OSBPL1A: variants seen among roughly 807,000 people sequenced by gnomAD.
OSBPL1A encodes oxysterol binding protein like 1A.
A neutral mutation model predicts 137.1 loss-of-function variants in OSBPL1A; 80 were observed. The ratio of observed to expected loss-of-function variants is 0.58; its 90% CI spans 0.49 to 0.70. OSBPL1A has a LOEUF of 0.70. OSBPL1A is among the 30% of genes least tolerant of loss of function. OSBPL1A has a pLI of 0.00. For synonymous variants in OSBPL1A, 365 were observed against 389.7 expected (o/e 0.94, Z 0.75); for missense variants, 970 against 1,129.4 (o/e 0.86, Z 2.02).
intron 2 of OSBPL1A, 22 bp from the exon 3 acceptor site, chr18:24,368,394 G>A (rs756914204): frequency 1.3e-6 from 2 of 1,527,690 alleles, no homozygotes; most frequent in Non-Finnish European, 9.1e-7. Context: ...AAAATATAAG[G>A]TATTTTTAGG....
intron 17 of OSBPL1A, among the ~76,000 whole-genome samples, chr18:24,212,866 A>G (rs113990122): frequency 1.2e-4 from 19 of 152,352 alleles, no homozygotes; most frequent in African/African-American, 4.3e-4. Flanking sequence ...TAAATTCCTG[A>G]AATTTGCCCA....
rs201880387 is a variant in OSBPL1A, at chr18:24,256,964, CAAA to C, written c.1282-17585_1282-17583del. On this transcript the variant is annotated intron_variant, in intron 15 of 27. Transcript: ENST00000319481. ...GCTGATGAAAGAACTGAAGAGGATG[CAAA>C]AAAAAAAAAAAAAAAAAAAAAAAAG... Among the ~76,000 whole-genome samples, 8 of 29,510 alleles carry C rather than the reference CAAA, an allele frequency of 2.7e-4. No homozygotes were observed. In the Admixed American group the frequency reaches 3.4e-3, roughly 12 times the overall value. The allele number at this position is 29,510 out of a possible 152,430, so 19.4% of individuals were successfully genotyped here. A position where few individuals can be genotyped will look rare whatever the true frequency, so the allele number is the denominator to read the frequency against.
At chr18:24,224,741 C>T (rs947110786) in intron 17 of OSBPL1A, among the ~76,000 whole-genome samples, 8 of 152,156 alleles carry the variant, frequency 5.3e-5, no homozygotes, top group Non-Finnish European at 1.2e-4. Context: ...TGAGAAAGGG[C>T]ACATAGGATC....
At chr18:24,303,094 A>G (rs1170574245) in intron 14 of OSBPL1A, among the ~76,000 whole-genome samples, 1 of 151,868 alleles carries the variant, frequency 6.6e-6, no homozygotes, top group Non-Finnish European at 1.5e-5. Flanking sequence ...TCTGTCTCCT[A>G]GGTTCAAGCG....
chr18:24,319,114 A>G (rs1321906886), intron 7 of OSBPL1A, among the ~76,000 whole-genome samples: 1 of 152,218 alleles, frequency 6.6e-6, no homozygotes, highest in Non-Finnish European at 1.5e-5. Flanking sequence ...TCTGAAATCA[A>G]TTTCACTGGG....
At chr18:24,230,862 A>C (rs772593171) in intron 16 of OSBPL1A, among the ~76,000 whole-genome samples, 1 of 152,220 alleles carries the variant, frequency 6.6e-6, no homozygotes, top group Non-Finnish European at 1.5e-5. Flanking sequence ...ATGACGGGAA[A>C]TGGAATACTC....
At chr18:24,321,525 G>A in intron 7 of OSBPL1A, 1 of 375,504 alleles carries the variant, frequency 2.7e-6, no homozygotes, top group South Asian at 2.1e-5. Context: ...CTAGGCTCAA[G>A]CGATCTGCCA....
chr18:24,320,417 A>G (rs1246004972), intron 7 of OSBPL1A, among the ~76,000 whole-genome samples: 1 of 152,170 alleles, frequency 6.6e-6, no homozygotes, highest in Non-Finnish European at 1.5e-5. Context: ...TGAGGGGTTG[A>G]TCAGGGAAGG....
rs79179947 is a variant in OSBPL1A, at chr18:24,225,691, G to C, written c.1445-493C>G. On this transcript the variant is annotated intron_variant, in intron 16 of 27. Coordinates refer to ENST00000319481, the MANE Select transcript of OSBPL1A (RefSeq NM_080597.4). Reference sequence around the variant, plus strand: ...AAAATACTTTAAAAAGGTCGGGTCAGTGGCTCACACCTGTAATCCCAGTAC... The same window carrying C: ...AAAATACTTTAAAAAGGTCGGGTCACTGGCTCACACCTGTAATCCCAGTAC... 3.0e-3 allele frequency among the ~76,000 whole-genome samples: 460 copies of C among 152,256 alleles called. 1 individual carries two copies. The highest frequency in any genetic ancestry group is 0.01 in the African/African-American group (434 of 41,500).
chr18:24,167,749 G>A (rs1263943610), intron 24 of OSBPL1A, among the ~76,000 whole-genome samples: 4 of 152,318 alleles, frequency 2.6e-5, no homozygotes, highest in Admixed American at 6.5e-5. Flanking sequence ...TGAGGTTCGC[G>A]CAATGATGAA....
chr18:24,354,191 G>A (rs2091494269), intron 4 of OSBPL1A, among the ~76,000 whole-genome samples: 1 of 152,038 alleles, frequency 6.6e-6, no homozygotes, highest in Admixed American at 6.6e-5. Flanking sequence ...TCTGGAAGTG[G>A]TAAAGAACCA....
Position 24,271,676 on chromosome 18 carries a change from G to A in OSBPL1A, c.1281+9166C>T. ...GCGCTCCACCCTGCGCTCCTCGCAA[G>A]CTCCAGCGCGAATGCGCTCGGCCTG... On this transcript the variant is annotated intron_variant, in intron 15 of 27. Transcript: ENST00000319481. The surrounding 1 kb of genome is among the most constrained non-coding windows in gnomAD (Gnocchi z 4.0). The A allele has an allele frequency of 1.0e-6, 1 of 985,746 alleles. No individual in the cohort carries two copies. The highest frequency in any genetic ancestry group is 1.7e-5 in the African/African-American group (1 of 57,366). The allele number at this position is 985,746 out of a possible 1,614,324, so 61.1% of individuals were successfully genotyped here.
intron 4 of OSBPL1A, chr18:24,358,371 G>A (rs1303873118): frequency 2.1e-5 from 14 of 668,756 alleles, no homozygotes; most frequent in Non-Finnish European, 2.7e-6. Context: ...AAAGGCTGAG[G>A]CATCGCTTGA....
intron 5 of OSBPL1A, among the ~76,000 whole-genome samples, chr18:24,336,319 T>G (rs1305721979): frequency 6.6e-6 from 1 of 152,218 alleles, no homozygotes; most frequent in African/African-American, 2.4e-5. Context: ...TCTAGGCTCA[T>G]AAATGAAGGA....
intron 4 of OSBPL1A, among the ~76,000 whole-genome samples, chr18:24,362,536 G>A (rs964546236): frequency 1.6e-4 from 25 of 152,166 alleles, no homozygotes; most frequent in African/African-American, 4.3e-4. Flanking sequence ...TTAGAATAAT[G>A]AAAAGTGTGA....
At chr18:24,305,748 G>A (rs1019388361) in intron 13 of OSBPL1A, among the ~76,000 whole-genome samples, 4 of 152,162 alleles carry the variant, frequency 2.6e-5, no homozygotes, top group Admixed American at 6.5e-5. Context: ...GAGGAACCCG[G>A]TGGGAGGTAA....
At chr18:24,392,578 T>C (rs1422023576) in intron 1 of OSBPL1A, among the ~76,000 whole-genome samples, 2 of 152,262 alleles carry the variant, frequency 1.3e-5, no homozygotes, top group Non-Finnish European at 2.9e-5. Context: ...TTAAAATACA[T>C]TGTATGCTAG....
At chr18:24,256,481 A>G (rs2146035171) in intron 15 of OSBPL1A, among the ~76,000 whole-genome samples, 1 of 152,292 alleles carries the variant, frequency 6.6e-6, no homozygotes, top group African/African-American at 2.4e-5. Context: ...CAACATAATA[A>G]AAGCCATGAA....
intron 13 of OSBPL1A, among the ~76,000 whole-genome samples, chr18:24,309,971 C>T (rs2146110346): frequency 6.7e-6 from 1 of 148,690 alleles, no homozygotes; most frequent in Non-Finnish European, 1.5e-5. Context: ...CGCTTGAACC[C>T]GGGAGGCGGA....
Sources: allele counts gnomAD v4.1 joint callset (sites outside exome capture counted in the v4.1 genomes callset), GRCh38; gene constraint gnomAD v4.1.1; non-coding constraint Gnocchi (gnomAD v3.1); transcripts MANE v1.5; gene names NCBI Gene and HGNC (gene_info 2026-07-23, HGNC 2026-07-21).